Variants in PCDHGB5 observed in about 807,000 individuals in gnomAD.
PCDHGB5 encodes the protein protocadherin gamma-B5.
PCDHGB5 carries 48 observed loss-of-function variants against 62.9 expected under a neutral mutation model. The observed-to-expected ratio is 0.76, with a 90% CI of 0.61 to 0.97. The LOEUF (loss-of-function observed/expected upper bound fraction) is 0.97, where lower values mean the gene tolerates loss of function less well. Among genes scored for constraint, PCDHGB5 ranks in the 50% least tolerant of loss-of-function variants. The probability of loss-of-function intolerance (pLI) is 0.00; values close to 1 mark genes in which losing one functional copy is unlikely to be tolerated. For synonymous variants in PCDHGB5, 474 were observed against 511.2 expected, an observed-to-expected ratio of 0.93 and a Z score of 0.98; for missense variants, 1,118 against 1,198.6, an observed-to-expected ratio of 0.93 and a Z score of 0.99.
chr5:141,432,087 C>G lies in PCDHGB5; in HGVS notation c.2397+31563C>G. On this transcript the variant is annotated intron_variant, in intron 1 of 3. Coordinates refer to ENST00000617380, the MANE Select transcript of PCDHGB5 (RefSeq NM_018925.3). This position sits in a 1 kb window ranked among gnomAD's most constrained non-coding sequence, Gnocchi z 6.0. ...GAAACTCATATCTCGCTGAACGTGG[C>G]AGACACCAACGACAACCCGCCGGTC... 3 of 1,614,178 alleles carry G rather than the reference C, an allele frequency of 1.9e-6. No homozygotes were observed. The highest frequency in any genetic ancestry group is 2.5e-6 in the Non-Finnish European group (3 of 1,180,042).
At chr5:141,500,260 C>G (rs2099798502) in intron 2 of PCDHGB5, among the ~76,000 whole-genome samples, 3 of 151,104 alleles carry the variant, frequency 2.0e-5, no homozygotes, top group African/African-American at 2.4e-5. Flanking sequence ...CCAGGCTGGA[C>G]TGCAGTGGCG....
At chr5:141,415,002 C>T in intron 1 of PCDHGB5, 2 of 1,613,668 alleles carry the variant, frequency 1.2e-6, no homozygotes, top group East Asian at 2.2e-5. Flanking sequence ...CCTGGCTGTC[C>T]TACCGTCTGC....
Position 141,491,826 on chromosome 5 carries a change from C to A in PCDHGB5, c.2398-2981C>A. 1 of 1,477,526 alleles carries A rather than the reference C, an allele frequency of 6.8e-7. No homozygotes were observed. The highest frequency in any genetic ancestry group is 9.0e-7 in the Non-Finnish European group (1 of 1,114,486). The allele number at this position is 1,477,526 out of a possible 1,614,324, so 91.5% of individuals were successfully genotyped here. A position where few individuals can be genotyped will look rare whatever the true frequency, so the allele number is the denominator to read the frequency against. ...GGCTTGGTCGCTGGCTGCGCTCCAC[C>A]CGATTCTCGGGATCATTGGACCGTT... On this transcript the variant is annotated intron_variant, in intron 1 of 3. Transcript: ENST00000617380. The surrounding 1 kb of genome is among the most constrained non-coding windows in gnomAD (Gnocchi z 6.9).
At chr5:141,459,831 G>A (rs907978430) in intron 1 of PCDHGB5, among the ~76,000 whole-genome samples, 1 of 152,150 alleles carries the variant, frequency 6.6e-6, no homozygotes, top group Admixed American at 6.6e-5. Context: ...CTTTTCATGT[G>A]TTGTCTATTT....
intron 1 of PCDHGB5, among the ~76,000 whole-genome samples, chr5:141,481,886 C>T (rs575190135): frequency 6.9e-6 from 1 of 145,360 alleles, no homozygotes; most frequent in South Asian, 2.2e-4. Context: ...TGCACTCCAG[C>T]CTGGGTGAAA....
At chr5:141,454,203 T>C (rs981646952) in intron 1 of PCDHGB5, among the ~76,000 whole-genome samples, 2 of 152,148 alleles carry the variant, frequency 1.3e-5, no homozygotes, top group African/African-American at 4.8e-5. Flanking sequence ...GGTGAATTTA[T>C]TGACATGAAT....
chr5:141,405,056 T>A (rs770920034), intron 1 of PCDHGB5: 8 of 1,613,836 alleles, frequency 5.0e-6, no homozygotes, highest in Non-Finnish European at 6.8e-6. Context: ...AGTCGTCTCC[T>A]GTGTCTTCCT....
Position 141,511,502 on chromosome 5 carries a change from A to C in PCDHGB5, c.*329A>C. The C allele has an allele frequency of 2.0e-5, 8 of 395,260 alleles. No individual in the cohort carries two copies. The highest frequency in any genetic ancestry group is 4.1e-5 in the African/African-American group (2 of 48,892). The allele number at this position is 395,260 out of a possible 1,614,324, so 24.5% of individuals were successfully genotyped here. A position where few individuals can be genotyped will look rare whatever the true frequency, so the allele number is the denominator to read the frequency against. ...CTGAACTCCTCCATCTTCCAAATCA[A>C]TCAGGCCCATCCATCCCATGCCTCC... On this transcript the variant is annotated 3_prime_UTR_variant, in exon 4 of 4. Transcript: ENST00000617380.
Position 141,491,529 on chromosome 5 carries a change from G to T in PCDHGB5, c.2398-3278G>T, listed in dbSNP as rs1157770121. ...GCACGCTCAAGTACATGGAGGTGAC[G>T]CTGCGGCCCACAGACTCGCAGAGCC... On this transcript the variant is annotated intron_variant, in intron 1 of 3. Transcript: ENST00000617380. This position sits in a 1 kb window ranked among gnomAD's most constrained non-coding sequence, Gnocchi z 6.9. The T allele has an allele frequency of 6.2e-7, 1 of 1,614,040 alleles. No individual in the cohort carries two copies. The highest frequency in any genetic ancestry group is 1.1e-5 in the South Asian group (1 of 91,080).
Position 141,485,987 on chromosome 5 carries a change from G to T in PCDHGB5, c.2398-8820G>T. 1 of 1,614,170 alleles carries T rather than the reference G, an allele frequency of 6.2e-7. No homozygotes were observed. On this transcript the variant is annotated intron_variant, in intron 1 of 3. Transcript: ENST00000617380. The surrounding 1 kb of genome is among the most constrained non-coding windows in gnomAD (Gnocchi z 5.7). ...GCTCAATGCCTCAGACCCGGACCTG[G>T]GTCCCAGTGGTAACGTCACCTTTTA...
intron 1 of PCDHGB5, chr5:141,478,233 T>G: frequency 6.2e-7 from 1 of 1,614,126 alleles, no homozygotes. Context: ...GTGGGGTTTG[T>G]GGTCACAGTG....
chr5:141,415,783 A>G, intron 1 of PCDHGB5: 1 of 1,344,604 alleles, frequency 7.4e-7, no homozygotes, highest in Non-Finnish European at 9.5e-7. Context: ...ACTTTCTGGT[A>G]AAATTCACCT....
intron 3 of PCDHGB5, 73 bp from the exon 4 acceptor site, chr5:141,510,874 G>C: frequency 6.2e-7 from 1 of 1,610,126 alleles, no homozygotes; most frequent in Non-Finnish European, 8.5e-7. Context: ...TTCATTAACT[G>C]CTGGGGATAT....
At position 141,486,791 on chromosome 5, in the gene PCDHGB5, C is replaced by T. The variant is rs766519569; in HGVS notation, c.2398-8016C>T. 1.8e-5 allele frequency: 29 copies of T among 1,614,108 alleles called. No homozygotes were observed. The highest frequency in any genetic ancestry group is 2.2e-5 in the Non-Finnish European group (26 of 1,180,054). On this transcript the variant is annotated intron_variant, in intron 1 of 3. Coordinates refer to ENST00000617380, the MANE Select transcript of PCDHGB5 (RefSeq NM_018925.3). The surrounding 1 kb of genome is among the most constrained non-coding windows in gnomAD (Gnocchi z 5.0). ...GCAGTTTGAGGTGCAGGCCCGGGAT[C>T]GGGGCAACCCACCCCTTAGCAGCAC...
intron 1 of PCDHGB5, among the ~76,000 whole-genome samples, chr5:141,466,735 T>C (rs2099128254): frequency 6.6e-6 from 1 of 152,224 alleles, no homozygotes; most frequent in South Asian, 2.1e-4. Context: ...GCAGAATTCA[T>C]GTTACTCTGA....
At position 141,413,553 on chromosome 5, in the gene PCDHGB5, A is replaced by G; in HGVS notation, c.2397+13029A>G. On this transcript the variant is annotated intron_variant, in intron 1 of 3. Coordinates refer to ENST00000617380, the MANE Select transcript of PCDHGB5 (RefSeq NM_018925.3). ...TGAAACTTTTTGGGATAGAAATAGA[A>G]GTAACTGATATCAATGACAATGCTC... The G allele has an allele frequency of 6.2e-7, 1 of 1,613,938 alleles. No individual in the cohort carries two copies. Among genetic ancestry groups the G allele is most frequent in the Non-Finnish European group, 8.5e-7 (1 of 1,179,902 alleles).
chr5:141,488,175 T>C (rs889217562), intron 1 of PCDHGB5, among the ~76,000 whole-genome samples: 1 of 152,168 alleles, frequency 6.6e-6, no homozygotes, highest in Non-Finnish European at 1.5e-5. Context: ...AGTGGTGGCA[T>C]AGATCTTTTG....
rs17097297 is a variant in PCDHGB5 at position 141,426,366 on chromosome 5, G to C, written c.2397+25842G>C. 737 of 204,832 alleles carry C rather than the reference G, an allele frequency of 3.6e-3. 4 individuals are homozygous for C. The highest frequency in any genetic ancestry group is 0.015 in the African/African-American group (666 of 43,954). 12.7% of individuals were successfully genotyped at this position (204,832 alleles called of 1,614,324 possible). Reference sequence around the variant, plus strand: ...CTTTCCTGCTGCCTTTGTTCTGCGGGGCACCCTCGGAGCAGATCCGCTACT... The same window carrying C: ...CTTTCCTGCTGCCTTTGTTCTGCGGCGCACCCTCGGAGCAGATCCGCTACT... On this transcript the variant is annotated intron_variant, in intron 1 of 3. Transcript: ENST00000617380.
intron 2 of PCDHGB5, among the ~76,000 whole-genome samples, chr5:141,495,623 C>T (rs990126072): frequency 3.3e-5 from 5 of 152,208 alleles, no homozygotes; most frequent in South Asian, 2.1e-4. Context: ...GCACCTCAGC[C>T]TCAGTCCCTT....
Sources: allele counts gnomAD v4.1 joint callset (sites outside exome capture counted in the v4.1 genomes callset), GRCh38; gene constraint gnomAD v4.1.1; non-coding constraint Gnocchi (gnomAD v3.1); transcripts MANE v1.5; gene names NCBI Gene and HGNC (gene_info 2026-07-23, HGNC 2026-07-21).